The following RAD51B variants were observed in gnomAD, a reference collection of about 807,000 sequenced individuals.
RAD51B encodes DNA repair protein RAD51 homolog 2.
In RAD51B, 38 loss-of-function variants were observed where a neutral mutation model predicts 42.2. That is an observed-to-expected ratio of 0.90 (90% CI 0.70 to 1.18). The LOEUF is 1.18. RAD51B is among the 50% of genes most tolerant of loss of function. RAD51B has a pLI of 0.00. For synonymous variants in RAD51B, 154 were observed against 145.2 expected (o/e 1.06, Z -0.43); for missense variants, 373 against 400.7 (o/e 0.93, Z 0.59).
At chr14:67,950,454 A>G (rs138806127) in intron 7 of RAD51B, among the ~76,000 whole-genome samples, 2 of 152,296 alleles carry the variant, frequency 1.3e-5, no homozygotes, top group African/African-American at 4.8e-5. Context: ...CACAGAATTG[A>G]AGAGAGTTAG....
At chr14:68,490,876 GA>G (rs1340826491) in intron 10 of RAD51B, among the ~76,000 whole-genome samples, 2 of 152,112 alleles carry the variant, frequency 1.3e-5, no homozygotes, top group Non-Finnish European at 2.9e-5. Context: ...GGAGAGCGGG[GA>G]GTTAGAAAAA....
chr14:68,636,475 C>G (rs1365447505), intron 10 of RAD51B, among the ~76,000 whole-genome samples: 1 of 150,716 alleles, frequency 6.6e-6, no homozygotes, highest in African/African-American at 2.4e-5. Flanking sequence ...CCCGGCTACT[C>G]GGAAGGCTGA....
intron 10 of RAD51B, among the ~76,000 whole-genome samples, chr14:68,507,061 G>T (rs1885380926): frequency 6.6e-6 from 1 of 152,094 alleles, no homozygotes; most frequent in Non-Finnish European, 1.5e-5. Context: ...AGTTGAGGGA[G>T]AGTGTGTATG....
chr14:68,337,229 C>G (rs941178818), intron 8 of RAD51B, among the ~76,000 whole-genome samples: 7 of 150,030 alleles, frequency 4.7e-5, no homozygotes, highest in African/African-American at 1.5e-4. Flanking sequence ...CCTATCCTAG[C>G]CCATCGCAAC....
At chr14:68,438,194 C>T (rs150965297) in intron 9 of RAD51B, among the ~76,000 whole-genome samples, 275 of 152,200 alleles carry the variant, frequency 1.8e-3, no homozygotes, top group Non-Finnish European at 3.2e-3. Flanking sequence ...GTTTTCCATA[C>T]AGATTTGGAG....
rs139666997 is a variant in RAD51B, at chr14:68,606,005, C to T, written c.1037-5001C>T. Among the ~76,000 whole-genome samples the T allele has an allele frequency of 2.6e-5, 4 of 152,308 alleles. No homozygotes were observed. The East Asian group carries it at 7.7e-4, about 29-fold the overall frequency. On this transcript the variant is annotated intron_variant, in intron 10 of 10. Coordinates refer to the RAD51B transcript ENST00000487861. Reference sequence around the variant, plus strand: ...CCCTGAACTCTGAAGTCTAAACTGTCAGTCAGCGTCCCCAGCGGAAGCTGC... The same window carrying T: ...CCCTGAACTCTGAAGTCTAAACTGTTAGTCAGCGTCCCCAGCGGAAGCTGC...
intron 10 of RAD51B, chr14:68,540,375 A>C: frequency 8.6e-6 from 9 of 1,051,926 alleles, no homozygotes; most frequent in Non-Finnish European, 1.0e-5. Flanking sequence ...GTCCACTTAC[A>C]TGAACCCTGA....
intron 7 of RAD51B, among the ~76,000 whole-genome samples, chr14:67,980,448 A>C (rs2075071099): frequency 1.3e-5 from 2 of 152,238 alleles, no homozygotes; most frequent in South Asian, 2.1e-4. Flanking sequence ...CGTCTTAAAA[A>C]ACAAAAAAAA....
At chr14:68,103,213 G>T (rs908259624) in intron 7 of RAD51B, among the ~76,000 whole-genome samples, 1 of 152,068 alleles carries the variant, frequency 6.6e-6, no homozygotes, top group African/African-American at 2.4e-5. Context: ...GCTCAATATT[G>T]CATAAGTGGA....
intron 8 of RAD51B, among the ~76,000 whole-genome samples, chr14:68,321,269 G>A (rs2082152808): frequency 6.6e-6 from 1 of 152,128 alleles, no homozygotes; most frequent in African/African-American, 2.4e-5. Flanking sequence ...GCTCCGTACT[G>A]CAAGACTAGG....
rs542567030 is a variant in RAD51B, at chr14:68,662,137, C to A, written c.*11+11281C>A. On this transcript the variant is annotated intron_variant, in intron 11 of 11. Transcript: ENST00000488612. ...AGTAAAGAGGCCAGCAGGAGAAATACCTCCCTCATCTTCAACACTCTTCTT... is the reference window on the plus strand; with the variant it reads ...AGTAAAGAGGCCAGCAGGAGAAATAACTCCCTCATCTTCAACACTCTTCTT... 3.3e-5 allele frequency among the ~76,000 whole-genome samples: 5 copies of A among 152,294 alleles called. No homozygotes were observed. The East Asian group carries it at 9.6e-4, about 29-fold the overall frequency.
At chr14:68,545,512 A>G in intron 10 of RAD51B, 1 of 455,670 alleles carries the variant, frequency 2.2e-6, no homozygotes, top group Admixed American at 2.4e-5. Context: ...TTAATGCCTT[A>G]ACTGTCTAGC....
chr14:68,051,824 A>C (rs971534865), intron 7 of RAD51B, among the ~76,000 whole-genome samples: 1 of 151,752 alleles, frequency 6.6e-6, no homozygotes, highest in Non-Finnish European at 1.5e-5. Context: ...GCTGGTCTTG[A>C]ACTCCTGGCC....
chr14:68,456,517 T>C (rs1430467673), intron 9 of RAD51B, among the ~76,000 whole-genome samples: 2 of 152,146 alleles, frequency 1.3e-5, no homozygotes, highest in African/African-American at 4.8e-5. Flanking sequence ...TATAAAAGGA[T>C]TGCTCCATCA....
At chr14:68,428,014 T>C (rs2140126265) in intron 9 of RAD51B, among the ~76,000 whole-genome samples, 1 of 152,344 alleles carries the variant, frequency 6.6e-6, no homozygotes, top group South Asian at 2.1e-4. Flanking sequence ...GAGTTCCTTA[T>C]AAAAATTTGA....
chr14:68,471,693 CA>C (rs35932002), intron 10 of RAD51B, among the ~76,000 whole-genome samples: 191 of 130,478 alleles, frequency 1.5e-3, no homozygotes, highest in Non-Finnish European at 1.4e-3. Context: ...TCTCCTTTTG[CA>C]AAAAAAAAAA....
intron 7 of RAD51B, among the ~76,000 whole-genome samples, chr14:67,963,174 C>T (rs556608797): frequency 4.6e-5 from 7 of 152,086 alleles, no homozygotes; most frequent in Admixed American, 4.6e-4. Context: ...AGAAAGAATA[C>T]ATTTATTTCT....
intron 8 of RAD51B, among the ~76,000 whole-genome samples, chr14:68,404,282 A>G (rs531570305): frequency 6.6e-6 from 1 of 152,324 alleles, no homozygotes; most frequent in East Asian, 1.9e-4. Context: ...AAGGAGAGAG[A>G]GGGAGTGAGC....
At chr14:67,891,501 G>A (rs1437435874) in intron 7 of RAD51B, among the ~76,000 whole-genome samples, 1 of 152,034 alleles carries the variant, frequency 6.6e-6, no homozygotes, top group Non-Finnish European at 1.5e-5. Context: ...CTATTTTAAA[G>A]ACAGTTTTAA....
Sources: gnomAD v4.1 joint callset for allele counts (sites outside exome capture counted in the v4.1 genomes callset) on GRCh38, gnomAD v4.1.1 for gene constraint, MANE v1.5 for transcripts, NCBI Gene and HGNC (gene_info 2026-07-23, HGNC 2026-07-21) for gene names.